The following GPR33 variants were observed in gnomAD, a reference collection of about 807,000 sequenced individuals.
GPR33 encodes the protein G protein-coupled receptor 33, also known as probable G protein-coupled receptor 33.
A neutral mutation model predicts 3.1 loss-of-function variants in GPR33; 4 were observed. The observed-to-expected ratio is 1.29, with a 90% CI of 0.64 to 2.96. GPR33 has a LOEUF of 2.96. GPR33 is among the 30% of genes most tolerant of loss of function. GPR33 has a pLI of 0.01. For missense variants in GPR33, 390 were observed against 388.9 expected (o/e 1.00, Z -0.02); for synonymous variants, 138 against 142.0 (o/e 0.97, Z 0.20).
rs921971934 is a variant in GPR33, at chr14:31,483,135, T to C, written c.831A>G (p.Leu277=). Residue 277 remains leucine, a synonymous_variant, in exon 2 of 2, where the codon TTA becomes TTG. Transcript: ENST00000399285. The part of the protein sequence containing the change: ...LLLTTNQSLL[L]ELTLILTVLT... Reference sequence around the variant, plus strand: ...GCACTGTAAGTATCAAAGTCAACTCTAAAAGTAGTGACTGGTTCGTAGTGA... The same window carrying C: ...GCACTGTAAGTATCAAAGTCAACTCCAAAAGTAGTGACTGGTTCGTAGTGA... 5.2e-6 allele frequency: 8 copies of C among 1,535,948 alleles called. No individual in the cohort carries two copies. The East Asian group carries it at 7.3e-5, about 14-fold the overall frequency.
Position 31,483,171 on chromosome 14 carries a change from C to G in GPR33, c.795G>C (p.Gln265His), listed in dbSNP as rs907952945. 1.3e-6 allele frequency: 2 copies of G among 1,536,052 alleles called. No homozygotes were observed. Among genetic ancestry groups the G allele is most frequent in the East Asian group, 4.9e-5 (2 of 40,916 alleles). The change falls in exon 2 of 2, where the codon CAG becomes CAC. Residue 265 changes from glutamine (Q) to histidine (H), a missense_variant. By Grantham distance (24) the Gln-to-His change is conservative. Coordinates refer to ENST00000399285, the MANE Select transcript of GPR33 (RefSeq NM_001197184.3). ...FVCWMPYHIH[Q>H]GLLLTTNQSL... ...ACTGGTTCGTAGTGAGAAGTAAGCCCTGGTGTATATGGTAGGGCATCCAAC... is the reference window on the plus strand; with the variant it reads ...ACTGGTTCGTAGTGAGAAGTAAGCCGTGGTGTATATGGTAGGGCATCCAAC...
In GPR33 at chr14:31,483,401, A is replaced by C; in HGVS notation, c.565T>G (p.Trp189Gly). The C allele has an allele frequency of 6.5e-7, 1 of 1,536,150 alleles. No individual in the cohort carries two copies. The highest frequency in any genetic ancestry group is 8.7e-7 in the Non-Finnish European group (1 of 1,146,904). ...GATGCTTGCATCTCCTTGCTTTCCCAGTTAGTAGACACAGCATAGTTATTT... is the reference window on the plus strand; with the variant it reads ...GATGCTTGCATCTCCTTGCTTTCCCCGTTAGTAGACACAGCATAGTTATTT... ...CQNNYAVSTN[W>G]ESKEMQASRQ... Residue 189 changes from tryptophan to glycine, a missense_variant, in exon 2 of 2, where the codon TGG becomes GGG. Trp to Gly is a radical substitution (Grantham distance 184, BLOSUM62 -2). Coordinates refer to ENST00000399285, the MANE Select transcript of GPR33 (RefSeq NM_001197184.3).
In GPR33 at chr14:31,483,408, A is replaced by G; in HGVS notation, c.558T>C (p.Ser186=). The change falls in exon 2 of 2, where the codon TCT becomes TCC. Residue 186 remains serine, a synonymous_variant. Transcript: ENST00000399285. ...KVTCQNNYAV[S]TNWESKEMQA... Reference sequence around the variant, plus strand: ...GCATCTCCTTGCTTTCCCAGTTAGTAGACACAGCATAGTTATTTTGGCAAG... The same window carrying G: ...GCATCTCCTTGCTTTCCCAGTTAGTGGACACAGCATAGTTATTTTGGCAAG... 6.5e-7 allele frequency: 1 copy of G among 1,536,156 alleles called. No homozygotes were observed. The highest frequency in any genetic ancestry group is 8.7e-7 in the Non-Finnish European group (1 of 1,146,912).
chr14:31,483,003 T>C lies in GPR33; in HGVS notation c.963A>G (p.Thr321=), dbSNP rs2032376631. 1 of 1,530,408 alleles carries C rather than the reference T, an allele frequency of 6.5e-7. No homozygotes were observed. The highest frequency in any genetic ancestry group is 8.7e-7 in the Non-Finnish European group (1 of 1,145,260). 94.8% of individuals were successfully genotyped at this position (1,530,408 alleles called of 1,614,324 possible). ...KKSILALFES[T]FSEDSSVERT... ...TTTCTACAGAAGAATCTTCACTAAATGTTGACTCAAACAGAGCAAGAATGG... is the reference window on the plus strand; with the variant it reads ...TTTCTACAGAAGAATCTTCACTAAACGTTGACTCAAACAGAGCAAGAATGG... The change falls in exon 2 of 2, where the codon ACA becomes ACG. Residue 321 remains threonine (T), a synonymous_variant. Transcript: ENST00000399285.
At chr14:31,486,658 A>G (rs1432657486) in intron 1 of GPR33, among the ~76,000 whole-genome samples, 2 of 152,230 alleles carry the variant, frequency 1.3e-5, no homozygotes, top group Non-Finnish European at 2.9e-5. Flanking sequence ...TAAGACAGGC[A>G]GCACAGAAAA....
At position 31,483,360 on chromosome 14, in the gene GPR33, A is replaced by G. The variant is rs1029517004; in HGVS notation, c.606T>C (p.His202=). Residue 202 remains histidine (H), a synonymous_variant, in exon 2 of 2, where the codon CAT becomes CAC. Transcript: ENST00000399285. The part of the protein sequence containing the change: ...KEMQASRQWI[H]VACFISRFLL... ...AGAAGCGGCTGATGAAACAGGCCACATGAATCCACTGCCTTGATGCTTGCA... is the reference window on the plus strand; with the variant it reads ...AGAAGCGGCTGATGAAACAGGCCACGTGAATCCACTGCCTTGATGCTTGCA... 2.6e-6 allele frequency: 4 copies of G among 1,536,094 alleles called. No individual in the cohort carries two copies. The African/African-American group carries it at 4.1e-5, about 16-fold the overall frequency.
chr14:31,486,159 C>G (rs2032417624), intron 1 of GPR33, among the ~76,000 whole-genome samples: 8 of 152,138 alleles, frequency 5.3e-5, no homozygotes, highest in Admixed American at 5.2e-4. Context: ...AGTGCAGTGG[C>G]ACGATCCTAG....
At position 31,483,154 on chromosome 14, in the gene GPR33, G is replaced by A. The variant is rs763167719; in HGVS notation, c.812C>T (p.Thr271Met). The A allele has an allele frequency of 8.9e-5, 136 of 1,535,942 alleles. 2 individuals are homozygous for A. In the Admixed American group the frequency reaches 9.8e-4, roughly 11 times the overall value. ...CAACTCTAAAAGTAGTGACTGGTTC[G>A]TAGTGAGAAGTAAGCCCTGGTGTAT... is the stretch of plus-strand genomic sequence containing the variant. Reference protein sequence around the residue: ...YHIHQGLLLTTNQSLLLELTL... With the variant: ...YHIHQGLLLTMNQSLLLELTL... Residue 271 changes from threonine (T) to methionine (M), a missense_variant, in exon 2 of 2, where the codon ACG becomes ATG. Transcript: ENST00000399285.
At position 31,483,959 on chromosome 14, in the gene GPR33, G is replaced by C. The variant is rs1439238057; in HGVS notation, c.7C>G (p.Leu3Val). The C allele has an allele frequency of 6.5e-7, 1 of 1,531,716 alleles. No homozygotes were observed. The allele number at this position is 1,531,716 out of a possible 1,614,324, so 94.9% of individuals were successfully genotyped here. A position where few individuals can be genotyped will look rare whatever the true frequency, so the allele number is the denominator to read the frequency against. Reference protein sequence around the residue: MDLINSTDYLINA... With the variant: MDVINSTDYLINA... ...ATCAGGTAATCAGTAGAGTTGATCAGATCCATAATGACCTGTGGAGTGAGA... is the reference window on the plus strand; with the variant it reads ...ATCAGGTAATCAGTAGAGTTGATCACATCCATAATGACCTGTGGAGTGAGA... Residue 3 changes from leucine (L) to valine (V), a missense_variant, in exon 2 of 2, where the codon CTG becomes GTG. Leu to Val is a conservative substitution (Grantham distance 32, BLOSUM62 1). Coordinates refer to ENST00000399285, the MANE Select transcript of GPR33 (RefSeq NM_001197184.3).
chr14:31,487,081 C>T (rs984313676), intron 1 of GPR33, among the ~76,000 whole-genome samples: 7 of 151,690 alleles, frequency 4.6e-5, no homozygotes, highest in Admixed American at 1.3e-4. Flanking sequence ...ACTAGATACC[C>T]GAATTATGGG....
intron 1 of GPR33, among the ~76,000 whole-genome samples, chr14:31,484,367 A>G (rs1419811153): frequency 6.6e-6 from 1 of 151,882 alleles, no homozygotes; most frequent in Non-Finnish European, 1.5e-5. Flanking sequence ...CTCAGCCTCA[A>G]CCTCCTGGGC....
At position 31,483,580 on chromosome 14, in the gene GPR33, A is replaced by T. The variant is rs1422401876; in HGVS notation, c.386T>A (p.Leu129His). Reference sequence around the variant, plus strand: ...CTGGGACCACACTGGGTGAAGAGTGAGAAGGTAACGATCAAGACCGATGGC... The same window carrying T: ...CTGGGACCACACTGGGTGAAGAGTGTGAAGGTAACGATCAAGACCGATGGC... Reference protein sequence around the residue: ...LSAIGLDRYLLTLHPVWSQQH... With the variant: ...LSAIGLDRYLHTLHPVWSQQH... Residue 129 changes from leucine to histidine, a missense_variant, in exon 2 of 2, where the codon CTC (leucine) becomes CAC (histidine). Coordinates refer to ENST00000399285, the MANE Select transcript of GPR33 (RefSeq NM_001197184.3). 1 of 1,536,152 alleles carries T rather than the reference A, an allele frequency of 6.5e-7. No homozygotes were observed. The highest frequency in any genetic ancestry group is 2.0e-5 in the Admixed American group (1 of 50,996).
In GPR33 at chr14:31,487,963, C is replaced by T. The variant is rs2032438176; in HGVS notation, c.-73G>A. 1 of 152,206 alleles carries T rather than the reference C, an allele frequency of 6.6e-6. No individual in the cohort carries two copies. Among genetic ancestry groups the T allele is most frequent in the African/African-American group, 2.4e-5 (1 of 41,450 alleles). 9.4% of individuals were successfully genotyped at this position (152,206 alleles called of 1,614,324 possible). Reference sequence around the variant, plus strand: ...CAAAGTGACTCTACACCATCAATTTCTCACTAGGAACAGAGTGAACAAAAT... The same window carrying T: ...CAAAGTGACTCTACACCATCAATTTTTCACTAGGAACAGAGTGAACAAAAT... On this transcript the variant is annotated 5_prime_UTR_variant, in exon 1 of 2. Transcript: ENST00000399285.
Position 31,483,066 on chromosome 14 carries a change from T to A in GPR33, c.900A>T (p.Leu300Phe). The change falls in exon 2 of 2, where the codon TTA (leucine) becomes TTT (phenylalanine). Residue 300 changes from leucine to phenylalanine, a missense_variant. Transcript: ENST00000399285. ...FNTIFSPTLY[L>F]FVGENFKKVF... Reference sequence around the variant, plus strand: ...CCTTTTTGAAATTCTCCCCAACAAATAAGTAGAGTGTGGGAGAAAAGATAG... The same window carrying A: ...CCTTTTTGAAATTCTCCCCAACAAAAAAGTAGAGTGTGGGAGAAAAGATAG... 6.5e-7 allele frequency: 1 copy of A among 1,535,976 alleles called. No individual in the cohort carries two copies. Among genetic ancestry groups the A allele is most frequent in the Non-Finnish European group, 8.7e-7 (1 of 1,146,866 alleles).
At chr14:31,487,545 T>C (rs929248778) in intron 1 of GPR33, among the ~76,000 whole-genome samples, 2 of 149,830 alleles carry the variant, frequency 1.3e-5, no homozygotes, top group Non-Finnish European at 3.0e-5. Flanking sequence ...GTTCAAGTGA[T>C]TCTCCTGCCT....
intron 1 of GPR33, 62 bp from the exon 2 acceptor site, chr14:31,484,033 A>C (rs1284906039): frequency 7.4e-7 from 1 of 1,345,644 alleles, no homozygotes; most frequent in African/African-American, 1.5e-5. Flanking sequence ...GTTAAATGTA[A>C]AAATTTAAAG....
chr14:31,483,698 G>C lies in GPR33; in HGVS notation c.268C>G (p.Gln90Glu). The change falls in exon 2 of 2, where the codon CAA (glutamine) becomes GAA (glutamate). Residue 90 changes from glutamine (Q) to glutamate (E), a missense_variant. Physicochemically the swap from Gln to Glu is conservative, Grantham distance 29 (BLOSUM62 2). Coordinates refer to ENST00000399285, the MANE Select transcript of GPR33 (RefSeq NM_001197184.3). ...ILPFMATSQL[Q>E]DNHWNFGTAL... ...GTTCCAAAGTTCCAGTGATTGTCTT[G>C]AAGTTGGGAGGTGGCCATAAATGGC... 1 of 1,536,120 alleles carries C rather than the reference G, an allele frequency of 6.5e-7. No individual in the cohort carries two copies. The highest frequency in any genetic ancestry group is 8.7e-7 in the Non-Finnish European group (1 of 1,146,924).
At chr14:31,485,861 TAATC>T (rs921346543) in intron 1 of GPR33, among the ~76,000 whole-genome samples, 3 of 152,196 alleles carry the variant, frequency 2.0e-5, no homozygotes, top group African/African-American at 7.2e-5. Flanking sequence ...ATGATTTAGA[TAATC>T]AGAGTGTTTG....
In GPR33 at chr14:31,483,075, T is replaced by C; in HGVS notation, c.891A>G (p.Thr297=). ...TTSFNTIFSP[T]LYLFVGENFK... ...AATTCTCCCCAACAAATAAGTAGAG[T>C]GTGGGAGAAAAGATAGTATTGAAAG... The change falls in exon 2 of 2, where the codon ACA becomes ACG. Residue 297 remains threonine (T), a synonymous_variant. Coordinates refer to ENST00000399285, the MANE Select transcript of GPR33 (RefSeq NM_001197184.3). 1 of 1,535,740 alleles carries C rather than the reference T, an allele frequency of 6.5e-7. No homozygotes were observed. The highest frequency in any genetic ancestry group is 8.7e-7 in the Non-Finnish European group (1 of 1,146,798).
Sources: gnomAD v4.1 joint callset for allele counts (sites outside exome capture counted in the v4.1 genomes callset) on GRCh38, gnomAD v4.1.1 for gene constraint, MANE v1.5 for transcripts, NCBI Gene and HGNC (gene_info 2026-07-23, HGNC 2026-07-21) for gene names.